LSMEM2: variants seen among roughly 807,000 people sequenced by gnomAD.
LSMEM2 encodes the protein leucine rich single-pass membrane protein 2.
Under a neutral mutation model 17.3 loss-of-function variants are expected in LSMEM2, and 20 were observed. The ratio of observed to expected loss-of-function variants is 1.16; its 90% CI spans 0.81 to 1.68. The LOEUF is 1.68. Ranked by LOEUF, LSMEM2 falls within the 40% of genes most tolerant of loss-of-function variation. The pLI is 0.00. For missense variants in LSMEM2, 207 were observed against 214.3 expected (o/e 0.97, Z 0.21); for synonymous variants, 94 against 97.8 (o/e 0.96, Z 0.23).
intron 1 of LSMEM2, among the ~76,000 whole-genome samples, chr3:50,280,234 A>C (rs1454058571): frequency 1.5e-5 from 2 of 135,460 alleles, no homozygotes; most frequent in African/African-American, 2.9e-5. Flanking sequence ...GGCTCACTGC[A>C]ACCTCTGCCT....
chr3:50,286,523 C>T lies in LSMEM2; in HGVS notation c.111C>T (p.Pro37=). 2.5e-6 allele frequency: 4 copies of T among 1,611,894 alleles called. No homozygotes were observed. Among genetic ancestry groups the T allele is most frequent in the Non-Finnish European group, 3.4e-6 (4 of 1,179,276 alleles). The part of the protein sequence containing the change: ...PSQRSRGPLA[P]NHVHEVCLHQ... The stretch of plus-strand genomic sequence containing the variant: ...AGAGGAGCAGGGGGCCATTGGCCCC[C>T]AACCACGTGCATGAGGTATGCCTGC... The change falls in exon 2 of 4, where the codon CCC becomes CCT. Residue 37 remains proline, a synonymous_variant. Coordinates refer to ENST00000316436, the MANE Select transcript of LSMEM2 (RefSeq NM_153215.3).
At chr3:50,286,649 C>T (rs1701545699) in intron 2 of LSMEM2, 25 bp from the exon 3 acceptor site, 3 of 1,611,360 alleles carry the variant, frequency 1.9e-6, no homozygotes, top group South Asian at 2.2e-5. Flanking sequence ...GCACCCACCA[C>T]CCTCCCAATG....
At chr3:50,286,438 C>T in intron 1 of LSMEM2, 33 bp from the exon 2 acceptor site, 1 of 1,560,318 alleles carries the variant, frequency 6.4e-7, no homozygotes, top group Non-Finnish European at 8.7e-7. Context: ...GTTGACCCAC[C>T]ACTGGCTAAA....
chr3:50,285,908 G>C (rs1701508996), intron 1 of LSMEM2, among the ~76,000 whole-genome samples: 3 of 152,174 alleles, frequency 2.0e-5, no homozygotes. Context: ...GGAGATGTGT[G>C]AAGGGAGAGA....
intron 1 of LSMEM2, among the ~76,000 whole-genome samples, chr3:50,285,512 C>T (rs1449244914): frequency 6.6e-6 from 1 of 151,906 alleles, no homozygotes; most frequent in East Asian, 1.9e-4. Context: ...TGGTGGCACA[C>T]GCCTGTAATC....
At chr3:50,286,884 G>A in intron 3 of LSMEM2, 22 bp downstream of exon 3, 1 of 1,611,142 alleles carries the variant, frequency 6.2e-7, no homozygotes, top group Non-Finnish European at 8.5e-7. Flanking sequence ...TAGGGTGCTA[G>A]TAGGAATGGA....
chr3:50,283,689 C>T lies in LSMEM2; in HGVS notation c.59-2782C>T, dbSNP rs115029113. ...TGGTGCACACCTGTAGTGCTAGCTA[C>T]TAAGGAGGGTGAGGTAGGAGAAACC... is the stretch of plus-strand genomic sequence containing the variant. On this transcript the variant is annotated intron_variant, in intron 1 of 3. Coordinates refer to ENST00000316436, the MANE Select transcript of LSMEM2 (RefSeq NM_153215.3). Among the ~76,000 whole-genome samples, 1,446 of 149,900 alleles carry T rather than the reference C, an allele frequency of 9.6e-3. 21 individuals are homozygous for T. Among genetic ancestry groups the T allele is most frequent in the African/African-American group, 0.034 (1,381 of 40,650 alleles).
rs782489145 is a variant in LSMEM2 at position 50,286,847 on chromosome 3, G to GCTGT, written c.349_352dup (p.Tyr118CysfsTer9). Reference sequence around the variant, plus strand: ...CACTTGCCTAGTGCTCGCACTCCTGGCTGTCTACCTGAGCGGTATGGACGC... The same window carrying GCTGT: ...CACTTGCCTAGTGCTCGCACTCCTGGCTGTCTGTCTACCTGAGCGGTATGGACGC... On this transcript the variant is annotated frameshift_variant, in exon 3 of 4. Transcript: ENST00000316436. LOFTEE classifies it high-confidence loss of function. 3 of 1,613,538 alleles carry GCTGT rather than the reference G, an allele frequency of 1.9e-6. No individual in the cohort carries two copies. The highest frequency in any genetic ancestry group is 2.7e-5 in the African/African-American group (2 of 74,944).
At chr3:50,284,766 T>C (rs1394315679) in intron 1 of LSMEM2, among the ~76,000 whole-genome samples, 4 of 152,042 alleles carry the variant, frequency 2.6e-5, no homozygotes, top group African/African-American at 7.3e-5. Context: ...CCAGGCGCGA[T>C]GGCTCACGCC....
intron 1 of LSMEM2, among the ~76,000 whole-genome samples, chr3:50,283,632 A>G (rs1181522004): frequency 2.7e-5 from 4 of 150,546 alleles, no homozygotes; most frequent in Non-Finnish European, 5.9e-5. Context: ...ATCTCAAAAA[A>G]AAAAAAAAAA....
Position 50,287,292 on chromosome 3 carries a change from C to G in LSMEM2, c.*90C>G, listed in dbSNP as rs1701574040. On this transcript the variant is annotated 3_prime_UTR_variant, in exon 4 of 4. Coordinates refer to ENST00000316436, the MANE Select transcript of LSMEM2 (RefSeq NM_153215.3). ...GTCTCTCCTTCCCTACTGCTGGCTG[C>G]CACATCTACACTATTTCCTTGGTGA... The G allele has an allele frequency of 4.6e-6, 7 of 1,513,692 alleles. No individual in the cohort carries two copies. The highest frequency in any genetic ancestry group is 1.4e-5 in the African/African-American group (1 of 72,894). 93.8% of individuals were successfully genotyped at this position (1,513,692 alleles called of 1,614,324 possible).
intron 1 of LSMEM2, among the ~76,000 whole-genome samples, chr3:50,281,359 C>CAGGGAATTTTTTT (rs1553707751): frequency 2.6e-5 from 3 of 116,890 alleles, no homozygotes; most frequent in East Asian, 2.5e-4. Context: ...TGCGCCCGGC[C>CAGGGAATTTTTTT]CTTTTTTTTT....
intron 1 of LSMEM2, 103 bp from the exon 2 acceptor site, chr3:50,286,368 C>T (rs1156995843): frequency 7.6e-6 from 11 of 1,456,880 alleles, no homozygotes; most frequent in Non-Finnish European, 1.0e-5. Context: ...ACCAAATGTC[C>T]CACTATCCCT....
At position 50,286,514 on chromosome 3, in the gene LSMEM2, A is replaced by G. The variant is rs781793213; in HGVS notation, c.102A>G (p.Pro34=). ...TGCCCAGCCAGAGGAGCAGGGGGCC[A>G]TTGGCCCCCAACCACGTGCATGAGG... The part of the protein sequence containing the change: ...PMMPSQRSRG[P]LAPNHVHEVC... The change falls in exon 2 of 4, where the codon CCA becomes CCG. Residue 34 remains proline (P), a synonymous_variant. Coordinates refer to ENST00000316436, the MANE Select transcript of LSMEM2 (RefSeq NM_153215.3). The G allele has an allele frequency of 5.6e-6, 9 of 1,611,262 alleles. No homozygotes were observed. In the Admixed American group the frequency reaches 8.4e-5, roughly 15 times the overall value.
At chr3:50,278,657 CACA>C (rs1241693983), upstream of LSMEM2, among the ~76,000 whole-genome samples, 1 of 152,212 alleles carries the variant, frequency 6.6e-6, no homozygotes, top group African/African-American at 2.4e-5. Context: ...ATAAGACACA[CACA>C]ACAATAGCAT....
intron 1 of LSMEM2, among the ~76,000 whole-genome samples, chr3:50,282,720 A>G (rs1701428949): frequency 3.9e-5 from 6 of 152,078 alleles, no homozygotes; most frequent in Admixed American, 3.3e-4. Context: ...CCCCAGCTGT[A>G]CTAAAAATGC....
At chr3:50,286,394 T>C in intron 1 of LSMEM2, 77 bp from the exon 2 acceptor site, 9 of 1,501,068 alleles carry the variant, frequency 6.0e-6, no homozygotes, top group African/African-American at 1.4e-5. Context: ...CCGCAAGTCC[T>C]TGCTGCCTGA....
At position 50,286,681 on chromosome 3, in the gene LSMEM2, A is replaced by G. The variant is rs147362726; in HGVS notation, c.180A>G (p.Thr60=). 2,286 of 1,613,780 alleles carry G rather than the reference A, an allele frequency of 1.4e-3. 2 individuals carry two copies. The highest frequency in any genetic ancestry group is 1.7e-3 in the Non-Finnish European group (1,983 of 1,179,808). The change falls in exon 3 of 4, where the codon ACA becomes ACG. Residue 60 remains threonine (T), a synonymous_variant. Coordinates refer to ENST00000316436, the MANE Select transcript of LSMEM2 (RefSeq NM_153215.3). Reference sequence around the variant, plus strand: ...AATGTCCCATCCACCCAGCAGGCACACTGCGCCCCTATCTAACTGAAGAGG... The same window carrying G: ...AATGTCCCATCCACCCAGCAGGCACGCTGCGCCCCTATCTAACTGAAGAGG... ...SISDLHSGAG[T]LRPYLTEEAR...
Position 50,287,391 on chromosome 3 carries a change from C to A in LSMEM2, c.*189C>A. The A allele has an allele frequency of 2.5e-6, 2 of 801,718 alleles. No individual in the cohort carries two copies. The highest frequency in any genetic ancestry group is 3.8e-6 in the Non-Finnish European group (2 of 520,080). The allele number at this position is 801,718 out of a possible 1,614,324, so 49.7% of individuals were successfully genotyped here. ...CTGATCTCTTCAAGCCAGGCCTAGCCAAGCCTCTGGTGCCAAAGCCTCGCT... is the reference window on the plus strand; with the variant it reads ...CTGATCTCTTCAAGCCAGGCCTAGCAAAGCCTCTGGTGCCAAAGCCTCGCT... On this transcript the variant is annotated 3_prime_UTR_variant, in exon 4 of 4. Coordinates refer to ENST00000316436, the MANE Select transcript of LSMEM2 (RefSeq NM_153215.3).
Sources: gnomAD v4.1 joint callset for allele counts (sites outside exome capture counted in the v4.1 genomes callset) on GRCh38, gnomAD v4.1.1 for gene constraint, MANE v1.5 for transcripts, NCBI Gene and HGNC (gene_info 2026-07-23, HGNC 2026-07-21) for gene names.